The following CDC25B variants were observed in gnomAD, a reference collection of about 807,000 sequenced individuals.
CDC25B encodes the protein cell division cycle 25B.
In CDC25B, 33 loss-of-function variants were observed where a neutral mutation model predicts 69.8. The ratio of observed to expected loss-of-function variants is 0.47; its 90% CI spans 0.36 to 0.63. CDC25B has a LOEUF of 0.63. Among genes scored for constraint, CDC25B ranks in the 30% least tolerant of loss-of-function variants. The probability of loss-of-function intolerance (pLI) is 0.00; values close to 1 mark genes in which losing one functional copy is unlikely to be tolerated. For synonymous variants in CDC25B, 341 were observed against 314.6 expected (o/e 1.08, Z -0.89); for missense variants, 727 against 809.1 (o/e 0.90, Z 1.23).
At position 3,805,827 on chromosome 20, in the gene CDC25B, G is replaced by A. The variant is rs924016813; in HGVS notation, c.*866G>A. ...AGGTTGGATGGATGGGTGGATGGCC[G>A]TGGATGGCCGTGGATGCGCAGTGCC... On this transcript the variant is annotated 3_prime_UTR_variant, in exon 16 of 16. Coordinates refer to ENST00000245960, the MANE Select transcript of CDC25B (RefSeq NM_021873.4). The A allele has an allele frequency of 2.5e-5, 10 of 405,906 alleles. No individual in the cohort carries two copies. The highest frequency in any genetic ancestry group is 1.1e-4 in the East Asian group (3 of 28,288). The allele number at this position is 405,906 out of a possible 1,614,324, so 25.1% of individuals were successfully genotyped here.
intron 2 of CDC25B, 21 bp from the exon 3 acceptor site, chr20:3,798,391 C>G: frequency 6.9e-7 from 1 of 1,441,146 alleles, no homozygotes; most frequent in Non-Finnish European, 9.2e-7. Context: ...ACTTTCAAAC[C>G]AAGGTGCTCT....
chr20:3,799,547 C>CA (rs1252366072), intron 3 of CDC25B, among the ~76,000 whole-genome samples: 1 of 151,158 alleles, frequency 6.6e-6, no homozygotes, highest in Non-Finnish European at 1.5e-5. Context: ...CGTAGATGCA[C>CA]AAAAGCTCCG....
At position 3,790,662 on chromosome 20, in the gene CDC25B, G is replaced by A. The variant is rs143501966; in HGVS notation, c.8+3523G>A. ...GTCAGCTCACTGCAACCTCTGCCTC[G>A]TAGGTTCAGTCATTTCTCCTGCTCA... On this transcript the variant is annotated intron_variant, in intron 1 of 15. Transcript: ENST00000344256. Among the ~76,000 whole-genome samples the A allele has an allele frequency of 3.1e-3, 476 of 151,966 alleles. 2 individuals carry two copies. The highest frequency in any genetic ancestry group is 0.011 in the African/African-American group (443 of 41,484).
intron 1 of CDC25B, among the ~76,000 whole-genome samples, chr20:3,788,789 TTTCCTTCCTTTCCTTCTTTCTTTCC>T (rs1316078159): frequency 1.3e-5 from 2 of 151,812 alleles, no homozygotes; most frequent in Admixed American, 6.6e-5. Flanking sequence ...CTTTCTCTCT[TTTCCTTCCTTTCCTTCTTTCTTTCC>T]TTCCTTCCTT....
chr20:3,805,506 C>G lies in CDC25B; in HGVS notation c.*545C>G. Reference sequence around the variant, plus strand: ...TGTCCCACCATACGAGCACCTCCAGCCTGAACAGAAGCTCTTACTCTTTCC... The same window carrying G: ...TGTCCCACCATACGAGCACCTCCAGGCTGAACAGAAGCTCTTACTCTTTCC... On this transcript the variant is annotated 3_prime_UTR_variant, in exon 16 of 16. Coordinates refer to ENST00000245960, the MANE Select transcript of CDC25B (RefSeq NM_021873.4). 2.9e-6 allele frequency: 1 copy of G among 344,930 alleles called. No homozygotes were observed. Among genetic ancestry groups the G allele is most frequent in the Admixed American group, 4.5e-5 (1 of 22,130 alleles). The allele number at this position is 344,930 out of a possible 1,614,324, so 21.4% of individuals were successfully genotyped here.
chr20:3,794,864 C>T (rs2088985163), upstream of CDC25B, among the ~76,000 whole-genome samples: 1 of 152,190 alleles, frequency 6.6e-6, no homozygotes, highest in African/African-American at 2.4e-5. Context: ...GTCTGGGTGG[C>T]TGGGACTGCA....
intron 7 of CDC25B, 23 bp downstream of exon 7, chr20:3,801,116 T>C (rs2089267694): frequency 6.2e-7 from 1 of 1,612,894 alleles, no homozygotes; most frequent in Admixed American, 1.7e-5. Flanking sequence ...AGCGGATCCC[T>C]GGGAGGGGCC....
chr20:3,803,617 G>C lies in CDC25B; in HGVS notation c.1490+80G>C. 1.3e-6 allele frequency: 2 copies of C among 1,579,436 alleles called. No individual in the cohort carries two copies. Among genetic ancestry groups the C allele is most frequent in the South Asian group, 2.2e-5 (2 of 89,768 alleles). On this transcript the variant is annotated intron_variant, in intron 14 of 15. Transcript: ENST00000245960. The surrounding 1 kb of genome is among the most constrained non-coding windows in gnomAD (Gnocchi z 4.9). ...GGCTCACAGGTGCTGGCACCATTGA[G>C]ATGGCCAGGGGTGCAAGTCCAGGTC...
chr20:3,795,747 G>T (rs2089012498), upstream of CDC25B: 26 of 985,382 alleles, frequency 2.6e-5, no homozygotes, highest in Non-Finnish European at 2.9e-5. Flanking sequence ...TTTTGCTGCT[G>T]CTCAGCGCAG....
At position 3,802,244 on chromosome 20, in the gene CDC25B, C is replaced by T. The variant is rs749716404; in HGVS notation, c.1099-37C>T. 6 of 1,582,688 alleles carry T rather than the reference C, an allele frequency of 3.8e-6. No individual in the cohort carries two copies. In the African/African-American group the frequency reaches 8.1e-5, roughly 21 times the overall value. ...CAGCCAGAGCACTGGGGGGCAGCCC[C>T]ACCCTGACCCTGGCCTCCATCTGAC... is the stretch of plus-strand genomic sequence containing the variant. On this transcript the variant is annotated intron_variant, in intron 10 of 15. Transcript: ENST00000245960.
Position 3,805,193 on chromosome 20 carries a change from G to T in CDC25B, c.*232G>T. ...GAGCCCAGTCTGTTGAGTTAGTTAAGTTGGGTTAATACCAGCTTAAAGGCA... is the reference window on the plus strand; with the variant it reads ...GAGCCCAGTCTGTTGAGTTAGTTAATTTGGGTTAATACCAGCTTAAAGGCA... On this transcript the variant is annotated 3_prime_UTR_variant, in exon 16 of 16. Coordinates refer to ENST00000245960, the MANE Select transcript of CDC25B (RefSeq NM_021873.4). 3.5e-6 allele frequency: 2 copies of T among 569,594 alleles called. No homozygotes were observed. Among genetic ancestry groups the T allele is most frequent in the Admixed American group, 3.0e-5 (1 of 33,142 alleles). The allele number at this position is 569,594 out of a possible 1,614,324, so 35.3% of individuals were successfully genotyped here. A position where few individuals can be genotyped will look rare whatever the true frequency, so the allele number is the denominator to read the frequency against.
chr20:3,787,118 C>T (rs751374272), exon 1 of CDC25B: 17 of 645,204 alleles, frequency 2.6e-5, no homozygotes, highest in Non-Finnish European at 2.2e-5. Context: ...ACGCTTTTCA[C>T]GTCACCTGGA....
At chr20:3,799,530 G>GCGCA (rs1555774263) in intron 3 of CDC25B, among the ~76,000 whole-genome samples, 8 of 149,996 alleles carry the variant, frequency 5.3e-5, no homozygotes, top group Admixed American at 2.0e-4. Flanking sequence ...GTGTGTGCGC[G>GCGCA]CGCGCGCGTA....
rs2089369141 is a variant in CDC25B at position 3,803,594 on chromosome 20, C to A, written c.1490+57C>A. 8.7e-6 allele frequency: 14 copies of A among 1,607,450 alleles called. No individual in the cohort carries two copies. The highest frequency in any genetic ancestry group is 1.2e-5 in the Non-Finnish European group (14 of 1,177,230). On this transcript the variant is annotated intron_variant, in intron 14 of 15. Transcript: ENST00000245960. This position sits in a 1 kb window ranked among gnomAD's most constrained non-coding sequence, Gnocchi z 4.9. ...TCTGCCCTGGCCTTCCCTGCCCAGG[C>A]TCACAGGTGCTGGCACCATTGAGAT...
At chr20:3,800,350 T>C (rs201337720) in intron 4 of CDC25B, 21 bp downstream of exon 4, 44 of 1,614,046 alleles carry the variant, frequency 2.7e-5, no homozygotes, top group East Asian at 1.8e-4. Context: ...CTGGGCCTCT[T>C]CCATCTACCA....
intron 2 of CDC25B, 113 bp downstream of exon 2, chr20:3,797,862 T>TTGTG: frequency 3.0e-6 from 4 of 1,350,722 alleles, no homozygotes; most frequent in East Asian, 2.3e-5. Context: ...CACAACCTGG[T>TTGTG]GGGCCCAGGA....
chr20:3,800,707 T>C, intron 5 of CDC25B, 36 bp from the exon 6 acceptor site: 1 of 1,603,558 alleles, frequency 6.2e-7, no homozygotes. Flanking sequence ...AATGCAGCCT[T>C]CATTCCTCTG....
At chr20:3,801,131 G>A (rs762988071) in intron 7 of CDC25B, 38 bp downstream of exon 7, 2 of 1,611,016 alleles carry the variant, frequency 1.2e-6, no homozygotes, top group East Asian at 4.5e-5. Flanking sequence ...GGGGCCTGGG[G>A]AGGCAGCCTC....
rs777091404 is a variant in CDC25B, at chr20:3,800,706, T to TTCATTCCTC, written c.460-35_460-27dup. ...GGGCTCGTGCCGGAGGAATGCAGCC[T>TTCATTCCTC]TCATTCCTCTGCCTGCCGCCCTGCC... is the stretch of plus-strand genomic sequence containing the variant. On this transcript the variant is annotated intron_variant, in intron 5 of 15. Coordinates refer to ENST00000245960, the MANE Select transcript of CDC25B (RefSeq NM_021873.4). The TTCATTCCTC allele has an allele frequency of 6.2e-6, 10 of 1,603,538 alleles. No homozygotes were observed. In the South Asian group the frequency reaches 1.1e-4, roughly 18 times the overall value.
Sources: gnomAD v4.1 joint callset for allele counts (sites outside exome capture counted in the v4.1 genomes callset) on GRCh38, gnomAD v4.1.1 for gene constraint, Gnocchi (gnomAD v3.1) non-coding constraint, MANE v1.5 for transcripts, NCBI Gene and HGNC (gene_info 2026-07-23, HGNC 2026-07-21) for gene names.